The following COBLL1 variants were observed in gnomAD, a reference collection of about 807,000 sequenced individuals.
COBLL1 encodes cordon-bleu WH2 repeat protein like 1.
In COBLL1, 50 loss-of-function variants were observed where a neutral mutation model predicts 94.8. The ratio of observed to expected loss-of-function variants is 0.53; its 90% CI spans 0.42 to 0.67. The LOEUF (loss-of-function observed/expected upper bound fraction) is 0.67, where lower values mean the gene tolerates loss of function less well. Ranked by LOEUF, COBLL1 falls within the 30% of genes least tolerant of loss-of-function variation. The pLI, the probability that COBLL1 is intolerant of heterozygous loss-of-function variation, is 0.00. For missense variants in COBLL1, 1,362 were observed against 1,348.7 expected, an observed-to-expected ratio of 1.01 and a Z score of -0.15; for synonymous variants, 448 against 473.8, an observed-to-expected ratio of 0.95 and a Z score of 0.71.
intron 11 of COBLL1, 124 bp from the exon 12 acceptor site, chr2:164,695,960 G>T: frequency 1.3e-6 from 1 of 746,590 alleles, no homozygotes; most frequent in Non-Finnish European, 2.1e-6. Flanking sequence ...TCAACTCACT[G>T]ACTATATAAA....
intron 1 of COBLL1, among the ~76,000 whole-genome samples, chr2:164,670,964 T>G (rs942249626): frequency 6.6e-6 from 1 of 152,224 alleles, no homozygotes; most frequent in Non-Finnish European, 1.5e-5. Context: ...TCTCATTTCA[T>G]TCTTCAAGAA....
intron 2 of COBLL1, among the ~76,000 whole-genome samples, chr2:164,775,766 C>T (rs1050007952): frequency 6.6e-6 from 1 of 152,034 alleles, no homozygotes; most frequent in Admixed American, 6.6e-5. Flanking sequence ...TGGTGGTAGT[C>T]TTTAGTGCCC....
At position 164,735,675 on chromosome 2, in the gene COBLL1, C is replaced by T. The variant is rs572090976; in HGVS notation, c.231-5560G>A. Among the ~76,000 whole-genome samples the T allele has an allele frequency of 3.9e-5, 6 of 152,232 alleles. No individual in the cohort carries two copies. In the South Asian group the frequency reaches 6.2e-4, roughly 16 times the overall value. ...GTGCACCCACAGGAAATAAAATAAT[C>T]GCTTGAATAGAGCTCAGAATTATCC... On this transcript the variant is annotated intron_variant, in intron 3 of 13. Coordinates refer to ENST00000652658, the MANE Select transcript of COBLL1 (RefSeq NM_001365672.2).
At chr2:164,770,779 G>T (rs2105248655) in intron 2 of COBLL1, among the ~76,000 whole-genome samples, 1 of 152,204 alleles carries the variant, frequency 6.6e-6, no homozygotes, top group African/African-American at 2.4e-5. Context: ...AATGGTGGTG[G>T]TCAGTACTTA....
At chr2:164,777,219 T>C (rs1250388960) in intron 2 of COBLL1, among the ~76,000 whole-genome samples, 1 of 152,066 alleles carries the variant, frequency 6.6e-6, no homozygotes, top group Non-Finnish European at 1.5e-5. Flanking sequence ...TTTTCAGTTC[T>C]GTATCTGGCA....
intron 5 of COBLL1, chr2:164,723,114 T>C (rs1272053784): frequency 1.3e-5 from 2 of 152,214 alleles, no homozygotes; most frequent in African/African-American, 2.4e-5. Flanking sequence ...GCAATGAGGT[T>C]AGGAGACTGT....
At chr2:164,773,777 A>G (rs529297505) in intron 2 of COBLL1, 23 of 1,292,220 alleles carry the variant, frequency 1.8e-5, no homozygotes, top group Middle Eastern at 4.3e-4. Flanking sequence ...ATGCTGAACC[A>G]ACTGTCCTGC....
intron 2 of COBLL1, among the ~76,000 whole-genome samples, chr2:164,790,457 A>G (rs1683130760): frequency 6.6e-6 from 1 of 152,144 alleles, no homozygotes; most frequent in African/African-American, 2.4e-5. Context: ...TAATAATGTG[A>G]CAGTTTTGGT....
intron 2 of COBLL1, among the ~76,000 whole-genome samples, chr2:164,747,228 C>A (rs1351254592): frequency 6.6e-6 from 1 of 151,814 alleles, no homozygotes; most frequent in Non-Finnish European, 1.5e-5. Flanking sequence ...TTATTTTTTA[C>A]AAGATGAATG....
chr2:164,711,254 T>C (rs1486443231), intron 7 of COBLL1, among the ~76,000 whole-genome samples: 1 of 152,166 alleles, frequency 6.6e-6, no homozygotes, highest in Admixed American at 6.5e-5. Flanking sequence ...TTCATAACCA[T>C]CAGCTGATAT....
chr2:164,755,282 G>A (rs1432706755), intron 2 of COBLL1, among the ~76,000 whole-genome samples: 2 of 152,208 alleles, frequency 1.3e-5, no homozygotes, highest in African/African-American at 4.8e-5. Context: ...CAATGCAGGA[G>A]TGAAATACCC....
In COBLL1 at chr2:164,722,240, G is replaced by A; in HGVS notation, c.831C>T (p.Ser277=). ...RPTFTRSNTI[S]KPYISNTLPS... Reference sequence around the variant, plus strand: ...GCAGGGTGTTGGAAATATATGGTTTGGAAATGGTATTGGACCTTGTAAAAG... The same window carrying A: ...GCAGGGTGTTGGAAATATATGGTTTAGAAATGGTATTGGACCTTGTAAAAG... Residue 277 remains serine, a synonymous_variant, in exon 7 of 14, where the codon TCC becomes TCT. Coordinates refer to ENST00000652658, the MANE Select transcript of COBLL1 (RefSeq NM_001365672.2). 6.2e-7 allele frequency: 1 copy of A among 1,613,994 alleles called. No homozygotes were observed. The highest frequency in any genetic ancestry group is 8.5e-7 in the Non-Finnish European group (1 of 1,179,958).
intron 7 of COBLL1, among the ~76,000 whole-genome samples, chr2:164,721,052 CTT>C (rs1685417851): frequency 1.3e-5 from 2 of 152,322 alleles, no homozygotes; most frequent in South Asian, 4.1e-4. Flanking sequence ...ATTTCTATCT[CTT>C]TGAGTTGCAT....
chr2:164,658,668 T>C (rs1691020283), intron 2 of COBLL1, among the ~76,000 whole-genome samples: 3 of 152,230 alleles, frequency 2.0e-5, no homozygotes, highest in Admixed American at 2.0e-4. Context: ...ATGGGTGCTA[T>C]CAATGCCTAA....
In COBLL1 at chr2:164,756,859, T is replaced by C. The variant is rs73015503; in HGVS notation, c.42-12984A>G. 2.8e-3 allele frequency among the ~76,000 whole-genome samples: 429 copies of C among 152,320 alleles called. 2 individuals are homozygous for C. Among genetic ancestry groups the C allele is most frequent in the African/African-American group, 9.7e-3 (405 of 41,568 alleles). ...TCAGAGTCAGAGATCGTGGTTTGTG[T>C]CTGGGTCTGCACAAATTAGTTATTA... On this transcript the variant is annotated intron_variant, in intron 2 of 13. Coordinates refer to ENST00000652658, the MANE Select transcript of COBLL1 (RefSeq NM_001365672.2).
At chr2:164,840,433 T>C (rs1018743659) in intron 2 of COBLL1, among the ~76,000 whole-genome samples, 4 of 152,260 alleles carry the variant, frequency 2.6e-5, no homozygotes, top group Middle Eastern at 3.4e-3. Flanking sequence ...TTCTCATTAC[T>C]GTTTACTCAA....
chr2:164,710,960 A>G (rs1323722500), intron 7 of COBLL1, among the ~76,000 whole-genome samples: 1 of 152,174 alleles, frequency 6.6e-6, no homozygotes, highest in Non-Finnish European at 1.5e-5. Flanking sequence ...ATCAGAGCTA[A>G]ACTACCCACT....
At chr2:164,791,684 C>T (rs968976847) in intron 2 of COBLL1, among the ~76,000 whole-genome samples, 1 of 152,136 alleles carries the variant, frequency 6.6e-6, no homozygotes, top group African/African-American at 2.4e-5. Context: ...ATGTGTAGTG[C>T]TGTCTTTGTG....
intron 2 of COBLL1, among the ~76,000 whole-genome samples, chr2:164,784,466 G>T (rs1688854565): frequency 6.6e-6 from 1 of 152,156 alleles, no homozygotes; most frequent in African/African-American, 2.4e-5. Flanking sequence ...TACAGAAAGT[G>T]CTGGATCCAC....
Sources: allele counts gnomAD v4.1 joint callset (sites outside exome capture counted in the v4.1 genomes callset), GRCh38; gene constraint gnomAD v4.1.1; transcripts MANE v1.5; gene names NCBI Gene and HGNC (gene_info 2026-07-23, HGNC 2026-07-21).